The following OTOGL variants were observed in gnomAD, a reference collection of about 807,000 sequenced individuals.
OTOGL encodes the protein otogelin like, also known as otogelin-like protein.
Under a neutral mutation model 318.5 loss-of-function variants are expected in OTOGL, and 285 were observed. That is an observed-to-expected ratio of 0.89 (90% CI 0.81 to 0.99). OTOGL has a LOEUF of 0.99. OTOGL is among the 50% of genes least tolerant of loss of function. The pLI is 0.00. For synonymous variants in OTOGL, 987 were observed against 936.5 expected, an observed-to-expected ratio of 1.05 and a Z score of -0.99; for missense variants, 2,899 against 2,845.6, an observed-to-expected ratio of 1.02 and a Z score of -0.43.
chr12:80,130,780 A>T (rs1871189899), intron 1 of OTOGL, among the ~76,000 whole-genome samples: 1 of 152,202 alleles, frequency 6.6e-6, no homozygotes, highest in Admixed American at 6.5e-5. Flanking sequence ...TGTTGTTTTC[A>T]TCACATGAAT....
At position 80,189,405 on chromosome 12, in the gene OTOGL, C is replaced by A. The variant is rs1039700576; in HGVS notation, c.-19-20008C>A. ...AGAATCCAGTCTTTGACCAATTGACCAAACAAGACCCAAGCAGCTGGGAAG... is the reference window on the plus strand; with the variant it reads ...AGAATCCAGTCTTTGACCAATTGACAAAACAAGACCCAAGCAGCTGGGAAG... On this transcript the variant is annotated intron_variant, in intron 1 of 58. Coordinates refer to ENST00000547103, the MANE Select transcript of OTOGL (RefSeq NM_001378609.3). The A allele has an allele frequency of 6.1e-6, 6 of 984,896 alleles. No homozygotes were observed. In the South Asian group the frequency reaches 2.8e-4, roughly 46 times the overall value. The allele number at this position is 984,896 out of a possible 1,614,324, so 61.0% of individuals were successfully genotyped here.
intron 1 of OTOGL, among the ~76,000 whole-genome samples, chr12:80,115,012 T>A (rs1870076493): frequency 6.6e-6 from 1 of 152,052 alleles, no homozygotes; most frequent in African/African-American, 2.4e-5. Flanking sequence ...TCTAACCTTT[T>A]ATCAAGGTTC....
intron 23 of OTOGL, among the ~76,000 whole-genome samples, chr12:80,271,264 C>A (rs900809434): frequency 2.0e-4 from 30 of 152,134 alleles, no homozygotes; most frequent in African/African-American, 6.7e-4. Flanking sequence ...GAATATGGAG[C>A]CCCTGTCCTG....
In OTOGL at chr12:80,323,857, A is replaced by T. The variant is rs754726115; in HGVS notation, c.4199+17A>T. Reference sequence around the variant, plus strand: ...TCTTCCACCGTAAGTAACGTTTACCAATAAGTGATCAAAGTCCAGCCTTAG... The same window carrying T: ...TCTTCCACCGTAAGTAACGTTTACCTATAAGTGATCAAAGTCCAGCCTTAG... On this transcript the variant is annotated intron_variant, in intron 35 of 58. Transcript: ENST00000547103. 1.3e-6 allele frequency: 2 copies of T among 1,570,908 alleles called. No individual in the cohort carries two copies. The highest frequency in any genetic ancestry group is 2.2e-5 in the South Asian group (2 of 89,724).
Position 80,323,728 on chromosome 12 carries a change from C to T in OTOGL, c.4087C>T (p.Gln1363Ter). 1 of 1,611,380 alleles carries T rather than the reference C, an allele frequency of 6.2e-7. No individual in the cohort carries two copies. The highest frequency in any genetic ancestry group is 8.5e-7 in the Non-Finnish European group (1 of 1,178,116). The change falls in exon 35 of 59, where the codon CAG becomes TAG. Residue 1363 changes from glutamine (Q) to a stop codon, truncating the protein, a stop_gained. Transcript: ENST00000547103. LOFTEE classifies it high-confidence loss of function. ...HSSSFSIEEIQAAVPYRKMCE... is the reference protein window; with the variant it reads ...HSSSFSIEEI ...TAAACTTTATTTTTTCCCAGAAATC[C>T]AGGCAGCAGTGCCTTACAGGAAGAT...
intron 11 of OTOGL, among the ~76,000 whole-genome samples, chr12:80,249,608 C>T (rs1030147631): frequency 6.6e-6 from 1 of 152,088 alleles, no homozygotes; most frequent in Non-Finnish European, 1.5e-5. Context: ...GAGGTTACTG[C>T]TGTCTTTTTG....
intron 37 of OTOGL, 44 bp downstream of exon 37, chr12:80,329,163 T>C: frequency 7.4e-7 from 1 of 1,360,202 alleles, no homozygotes; most frequent in Non-Finnish European, 9.8e-7. Flanking sequence ...CTATGTAGTT[T>C]AAGTGTTGGC....
intron 1 of OTOGL, among the ~76,000 whole-genome samples, chr12:80,159,908 ACC>A (rs1873389314): frequency 6.6e-6 from 1 of 152,112 alleles, no homozygotes; most frequent in Non-Finnish European, 1.5e-5. Context: ...AGGCACATAA[ACC>A]AATGGAATAG....
At chr12:80,144,626 A>G (rs376284377) in intron 1 of OTOGL, among the ~76,000 whole-genome samples, 9 of 152,122 alleles carry the variant, frequency 5.9e-5, no homozygotes, top group African/African-American at 7.2e-5. Context: ...CTGAGGAATC[A>G]CCACAATGAC....
Position 80,320,687 on chromosome 12 carries a change from C to G in OTOGL, c.4068C>G (p.Ser1356Arg). Residue 1356 changes from serine (S) to arginine (R), a missense_variant, in exon 34 of 59, where the codon AGC becomes AGG. Transcript: ENST00000547103. ...CTGAAGAATTTAAACATTCAAGTAG[C>G]TTCAGCATAGAAGGTATGTTTCCTG... is the stretch of plus-strand genomic sequence containing the variant. ...DDSEEFKHSS[S>R]FSIEEIQAAV... 1 of 1,601,918 alleles carries G rather than the reference C, an allele frequency of 6.2e-7. No individual in the cohort carries two copies. Among genetic ancestry groups the G allele is most frequent in the Non-Finnish European group, 8.5e-7 (1 of 1,173,770 alleles).
intron 1 of OTOGL, chr12:80,132,838 G>A (rs1256678094): frequency 2.6e-5 from 4 of 152,110 alleles, no homozygotes; most frequent in African/African-American, 7.2e-5. Context: ...CCTCTCACCT[G>A]CATGTCAAGC....
chr12:80,113,609 C>G (rs1054976912), intron 1 of OTOGL, among the ~76,000 whole-genome samples: 1 of 151,602 alleles, frequency 6.6e-6, no homozygotes, highest in African/African-American at 2.4e-5. Context: ...GCACTGTGGT[C>G]TGAGAGACTG....
rs748227072 is a variant in OTOGL at position 80,366,560 on chromosome 12, T to A, written c.6268-14T>A. The A allele has an allele frequency of 1.5e-5, 15 of 1,033,708 alleles. No homozygotes were observed. The South Asian group carries it at 3.2e-4, about 22-fold the overall frequency. 64.0% of individuals were successfully genotyped at this position (1,033,708 alleles called of 1,614,324 possible). A position where few individuals can be genotyped will look rare whatever the true frequency, so the allele number is the denominator to read the frequency against. ...TAAGCTAAATGATAAGTAATAGTAG[T>A]ATATTTTCAATAGGGAGAATTTACT... On this transcript the variant is annotated splice_polypyrimidine_tract_variant and intron_variant, in intron 52 of 58. Coordinates refer to ENST00000547103, the MANE Select transcript of OTOGL (RefSeq NM_001378609.3).
intron 1 of OTOGL, among the ~76,000 whole-genome samples, chr12:80,161,477 A>G (rs1048633382): frequency 2.0e-5 from 3 of 152,162 alleles, no homozygotes; most frequent in African/African-American, 7.2e-5. Context: ...GGCTGGCTTG[A>G]TAAGACAAAT....
intron 58 of OTOGL, 116 bp from the exon 59 acceptor site, chr12:80,377,732 T>C (rs1162953521): frequency 2.5e-6 from 2 of 789,336 alleles, no homozygotes; most frequent in Non-Finnish European, 4.0e-6. Flanking sequence ...ATGCAGAAGC[T>C]TGAGGGTTGG....
chr12:80,152,087 A>G (rs534964125), intron 1 of OTOGL, among the ~76,000 whole-genome samples: 1 of 152,294 alleles, frequency 6.6e-6, no homozygotes, highest in African/African-American at 2.4e-5. Flanking sequence ...TCTTAGAGTC[A>G]TCTGGCACTA....
intron 4 of OTOGL, among the ~76,000 whole-genome samples, chr12:80,214,020 G>T (rs563401529): frequency 3.2e-4 from 49 of 152,316 alleles, no homozygotes; most frequent in African/African-American, 1.2e-3. Context: ...GTGCTGCAGT[G>T]ATTTCCCATC....
intron 1 of OTOGL, among the ~76,000 whole-genome samples, chr12:80,185,547 C>T (rs565693737): frequency 1.3e-5 from 2 of 152,238 alleles, no homozygotes; most frequent in African/African-American, 4.8e-5. Flanking sequence ...CCTTGGCCTC[C>T]GAAAGTACTG....
chr12:80,222,547 T>G (rs1217689398), intron 7 of OTOGL, among the ~76,000 whole-genome samples: 2 of 152,182 alleles, frequency 1.3e-5, no homozygotes, highest in Admixed American at 6.5e-5. Context: ...ATGTGAAGAC[T>G]GACAGCTAAT....
Sources: allele counts gnomAD v4.1 joint callset (sites outside exome capture counted in the v4.1 genomes callset), GRCh38; gene constraint gnomAD v4.1.1; transcripts MANE v1.5; gene names NCBI Gene and HGNC (gene_info 2026-07-23, HGNC 2026-07-21).